MACROD1: variants seen among roughly 807,000 people sequenced by gnomAD.
MACROD1 encodes ADP-ribose glycohydrolase MACROD1.
A neutral mutation model predicts 41.4 loss-of-function variants in MACROD1; 31 were observed. That is an observed-to-expected ratio of 0.75 (90% CI 0.56 to 1.01). The LOEUF (loss-of-function observed/expected upper bound fraction) is 1.01, where lower values mean the gene tolerates loss of function less well. Among genes scored for constraint, MACROD1 ranks in the 50% least tolerant of loss-of-function variants. MACROD1 has a pLI of 0.00. For synonymous variants in MACROD1, 252 were observed against 203.4 expected (o/e 1.24, Z -2.03); for missense variants, 473 against 460.0 (o/e 1.03, Z -0.26).
chr11:64,016,560 G>A (rs1356873555), intron 3 of MACROD1, among the ~76,000 whole-genome samples: 1 of 152,258 alleles, frequency 6.6e-6, no homozygotes, highest in East Asian at 1.9e-4. Context: ...ATGCCGTGAG[G>A]ACGGCATGGA....
chr11:64,008,265 G>C (rs1277448095), intron 4 of MACROD1, among the ~76,000 whole-genome samples: 3 of 152,176 alleles, frequency 2.0e-5, no homozygotes, highest in African/African-American at 7.2e-5. Flanking sequence ...GCAAGAGAAA[G>C]AGGTGAGGGA....
chr11:64,028,965 T>A (rs1943259311), intron 3 of MACROD1, among the ~76,000 whole-genome samples: 1 of 152,086 alleles, frequency 6.6e-6, no homozygotes, highest in Non-Finnish European at 1.5e-5. Flanking sequence ...ATGCCATCTG[T>A]TTCCGCAACC....
At chr11:64,159,990 G>T (rs757312989) in intron 1 of MACROD1, among the ~76,000 whole-genome samples, 22 of 152,166 alleles carry the variant, frequency 1.4e-4, no homozygotes, top group Non-Finnish European at 2.5e-4. Context: ...TAAAGAAAAG[G>T]AGTGTCCAGG....
At chr11:64,105,442 G>T (rs760865700) in intron 3 of MACROD1, among the ~76,000 whole-genome samples, 2 of 152,202 alleles carry the variant, frequency 1.3e-5, no homozygotes, top group Non-Finnish European at 2.9e-5. Flanking sequence ...CTCTGGTTGT[G>T]AGCATGTGAC....
intron 3 of MACROD1, among the ~76,000 whole-genome samples, chr11:64,026,072 T>A (rs1204578912): frequency 6.6e-6 from 1 of 152,114 alleles, no homozygotes; most frequent in Non-Finnish European, 1.5e-5. Context: ...TCCCAGCTAC[T>A]CGGGAGGCTA....
At chr11:64,075,703 G>A (rs1359770478) in intron 3 of MACROD1, among the ~76,000 whole-genome samples, 1 of 152,182 alleles carries the variant, frequency 6.6e-6, no homozygotes, top group Non-Finnish European at 1.5e-5. Context: ...ATGGAGTTGC[G>A]CTCTTCTTGC....
At chr11:64,054,340 AG>A (rs1943745593) in intron 3 of MACROD1, among the ~76,000 whole-genome samples, 1 of 152,210 alleles carries the variant, frequency 6.6e-6, no homozygotes, top group African/African-American at 2.4e-5. Flanking sequence ...AAGTTTGCAA[AG>A]GAAAGAAGCG....
chr11:64,149,400 C>A (rs1441781505), intron 3 of MACROD1, among the ~76,000 whole-genome samples: 1 of 152,156 alleles, frequency 6.6e-6, no homozygotes, highest in Non-Finnish European at 1.5e-5. Context: ...ACTGCCCCAG[C>A]CCTGGCCCTG....
chr11:64,089,012 G>C (rs574251630), intron 3 of MACROD1, among the ~76,000 whole-genome samples: 2 of 152,146 alleles, frequency 1.3e-5, no homozygotes, highest in Admixed American at 6.5e-5. Context: ...GAAGCCACTG[G>C]GAGGGCCACT....
chr11:64,055,248 G>C (rs547466300), intron 3 of MACROD1, among the ~76,000 whole-genome samples: 2 of 152,356 alleles, frequency 1.3e-5, no homozygotes, highest in African/African-American at 4.8e-5. Context: ...CAGTAGCTTT[G>C]CCTCGAATTT....
At chr11:63,999,468 G>A in intron 7 of MACROD1, 62 bp downstream of exon 7, 1 of 1,565,940 alleles carries the variant, frequency 6.4e-7, no homozygotes, top group Non-Finnish European at 8.7e-7. Context: ...TGTCCGCCCC[G>A]GCCCCTCCCG....
Position 64,131,910 on chromosome 11 carries a change from G to A in MACROD1, c.517+19329C>T, listed in dbSNP as rs192873778. Among the ~76,000 whole-genome samples the A allele has an allele frequency of 1.3e-4, 20 of 152,306 alleles. No individual in the cohort carries two copies. In the East Asian group the frequency reaches 3.7e-3, roughly 28 times the overall value. On this transcript the variant is annotated intron_variant, in intron 3 of 10. Transcript: ENST00000255681. Reference sequence around the variant, plus strand: ...AAAAGAAGCTGAGGAGGGGGGCAGGGGGAACCGGAGGGAAGTGAGTGGCGG... The same window carrying A: ...AAAAGAAGCTGAGGAGGGGGGCAGGAGGAACCGGAGGGAAGTGAGTGGCGG...
chr11:64,091,422 G>A (rs1944488163), intron 3 of MACROD1, among the ~76,000 whole-genome samples: 1 of 151,032 alleles, frequency 6.6e-6, no homozygotes, highest in South Asian at 2.1e-4. Context: ...TGGCACCACC[G>A]CAGCTTTTGC....
chr11:64,077,552 G>C (rs1944225161), intron 3 of MACROD1, among the ~76,000 whole-genome samples: 1 of 152,126 alleles, frequency 6.6e-6, no homozygotes, highest in African/African-American at 2.4e-5. Context: ...GGCGGGGCAG[G>C]GGGGGTCCCT....
chr11:64,027,001 G>A (rs1417930614), intron 3 of MACROD1, among the ~76,000 whole-genome samples: 1 of 152,192 alleles, frequency 6.6e-6, no homozygotes, highest in Admixed American at 6.5e-5. Flanking sequence ...GTGTTTGCTG[G>A]TTTATTAACA....
chr11:64,160,647 G>C (rs1204078510), intron 1 of MACROD1, among the ~76,000 whole-genome samples: 1 of 151,830 alleles, frequency 6.6e-6, no homozygotes, highest in Non-Finnish European at 1.5e-5. Context: ...CCCTGTCTCT[G>C]CAAGACATTT....
intron 3 of MACROD1, among the ~76,000 whole-genome samples, chr11:64,073,355 C>T (rs1300448007): frequency 6.6e-6 from 1 of 152,232 alleles, no homozygotes; most frequent in Non-Finnish European, 1.5e-5. Flanking sequence ...TGGCTTTGCT[C>T]TGAGGCAGCC....
chr11:64,065,405 C>T (rs1357340875), intron 3 of MACROD1, among the ~76,000 whole-genome samples: 2 of 152,134 alleles, frequency 1.3e-5, no homozygotes, highest in Non-Finnish European at 2.9e-5. Flanking sequence ...GAAGAGTTCA[C>T]CCACTACCTC....
intron 3 of MACROD1, among the ~76,000 whole-genome samples, chr11:64,127,918 T>G (rs1945210414): frequency 6.6e-6 from 1 of 152,122 alleles, no homozygotes; most frequent in African/African-American, 2.4e-5. Context: ...GAACAAAATT[T>G]CCATGAGAAC....
Sources: allele counts gnomAD v4.1 joint callset (sites outside exome capture counted in the v4.1 genomes callset), GRCh38; gene constraint gnomAD v4.1.1; transcripts MANE v1.5; gene names NCBI Gene and HGNC (gene_info 2026-07-23, HGNC 2026-07-21).